The following RGS6 variants were observed in gnomAD, a reference collection of about 807,000 sequenced individuals.
RGS6 encodes regulator of G protein signaling 6.
In RGS6, 30 loss-of-function variants were observed where a neutral mutation model predicts 78.5. That is an observed-to-expected ratio of 0.38 (90% CI 0.29 to 0.52). RGS6 has a LOEUF of 0.52. Ranked by LOEUF, RGS6 falls within the 20% of genes least tolerant of loss-of-function variation. The pLI, the probability that RGS6 is intolerant of heterozygous loss-of-function variation, is 0.85. For missense variants in RGS6, 495 were observed against 609.7 expected, an observed-to-expected ratio of 0.81 and a Z score of 1.98; for synonymous variants, 206 against 206.0, an observed-to-expected ratio of 1.00 and a Z score of 0.00.
At chr14:71,870,065 G>A in the RGS6 span, among the ~76,000 whole-genome samples, 317 of 152,304 alleles carry the variant, frequency 2.1e-3, 1 homozygote, top group African/African-American at 7.3e-3. Flanking sequence ...GACTAAGACA[G>A]TAGTTTCCCA....
intron 2 of RGS6, among the ~76,000 whole-genome samples, chr14:72,137,914 G>C (rs2096471941): frequency 6.6e-6 from 1 of 152,058 alleles, no homozygotes; most frequent in African/African-American, 2.4e-5. Flanking sequence ...AGATGTTGAA[G>C]GTGGGACTGA....
At chr14:72,206,083 C>T (rs560406673) in intron 2 of RGS6, among the ~76,000 whole-genome samples, 130 of 152,084 alleles carry the variant, frequency 8.5e-4, no homozygotes, top group Non-Finnish European at 1.6e-3. Context: ...AGTAAGAAAA[C>T]GTTGGAAACA....
chr14:71,959,154 T>A (rs549843845), intron 1 of RGS6, among the ~76,000 whole-genome samples: 1 of 152,320 alleles, frequency 6.6e-6, no homozygotes, highest in South Asian at 2.1e-4. Flanking sequence ...CAAGTTGGCA[T>A]ACTCTGCTAT....
At chr14:72,062,929 C>T (rs2093963712) in intron 2 of RGS6, among the ~76,000 whole-genome samples, 1 of 152,144 alleles carries the variant, frequency 6.6e-6, no homozygotes, top group Non-Finnish European at 1.5e-5. Flanking sequence ...CAGGTTCAAG[C>T]ATTCGTGCCT....
At chr14:72,078,309 A>G (rs2094668837) in intron 2 of RGS6, among the ~76,000 whole-genome samples, 1 of 152,204 alleles carries the variant, frequency 6.6e-6, no homozygotes, top group Non-Finnish European at 1.5e-5. Flanking sequence ...CTCCAGAAGC[A>G]GAAGCCACCA....
chr14:72,104,107 A>G (rs547153329), intron 2 of RGS6, among the ~76,000 whole-genome samples: 3 of 152,222 alleles, frequency 2.0e-5, no homozygotes, highest in African/African-American at 7.2e-5. Context: ...TGGAGGAACA[A>G]CGGTGACTTT....
intron 2 of RGS6, among the ~76,000 whole-genome samples, chr14:72,337,329 T>C (rs1329051618): frequency 6.6e-6 from 1 of 151,606 alleles, no homozygotes; most frequent in East Asian, 1.9e-4. Context: ...TCCACATTAT[T>C]ATGGTCCGTG....
chr14:72,053,903 A>T lies in RGS6; in HGVS notation c.84+89028A>T, dbSNP rs544062110. On this transcript the variant is annotated intron_variant, in intron 2 of 17. Coordinates refer to ENST00000553525, the MANE Select transcript of RGS6 (RefSeq NM_001204424.2). ...ATTCAAATGCTTCCTGGAAGTCAAA[A>T]CATATTTTCAAAAGTTTCTAGTGGA... Among the ~76,000 whole-genome samples, 3 of 152,338 alleles carry T rather than the reference A, an allele frequency of 2.0e-5. No individual in the cohort carries two copies. The East Asian group carries it at 5.8e-4, about 29-fold the overall frequency.
intron 3 of RGS6, among the ~76,000 whole-genome samples, chr14:72,353,302 A>G (rs2079499841): frequency 6.6e-6 from 1 of 152,236 alleles, no homozygotes; most frequent in Non-Finnish European, 1.5e-5. Context: ...TTTATTCATC[A>G]TCTCCAAAGA....
chr14:72,379,828 A>G (rs1441211037), intron 3 of RGS6, among the ~76,000 whole-genome samples: 1 of 152,126 alleles, frequency 6.6e-6, no homozygotes, highest in East Asian at 1.9e-4. Flanking sequence ...ATAAAAATGT[A>G]CATGGAACCA....
chr14:72,408,358 A>G (rs2093123135), intron 3 of RGS6, among the ~76,000 whole-genome samples: 3 of 152,204 alleles, frequency 2.0e-5, no homozygotes, highest in Admixed American at 2.0e-4. Flanking sequence ...ATTGTTTAGT[A>G]TAATAATGTA....
intron 2 of RGS6, among the ~76,000 whole-genome samples, chr14:72,346,119 C>G (rs1472835891): frequency 6.6e-6 from 1 of 152,142 alleles, no homozygotes; most frequent in Non-Finnish European, 1.5e-5. Context: ...AGATGAAGTG[C>G]TTCAGTAAAA....
At chr14:71,968,216 T>G (rs565109111) in intron 2 of RGS6, among the ~76,000 whole-genome samples, 1 of 152,222 alleles carries the variant, frequency 6.6e-6, no homozygotes, top group Admixed American at 6.5e-5. Context: ...ATCACATCAT[T>G]TAGGGTGCTT....
chr14:72,179,569 A>C (rs1598935485), intron 2 of RGS6, among the ~76,000 whole-genome samples: 1 of 152,210 alleles, frequency 6.6e-6, no homozygotes, highest in Admixed American at 6.5e-5. Context: ...CTCCAATCTC[A>C]AAAGAAGCAG....
chr14:71,908,186 T>C, the RGS6 span: 2 of 152,248 alleles, frequency 1.3e-5, no homozygotes, highest in African/African-American at 4.8e-5. Flanking sequence ...TAGGCTCCCA[T>C]GGAAGTCTTC....
chr14:72,454,579 G>C lies in RGS6; in HGVS notation c.235+1G>C. 1 of 1,613,704 alleles carries C rather than the reference G, an allele frequency of 6.2e-7. No individual in the cohort carries two copies. Among genetic ancestry groups the C allele is most frequent in the South Asian group, 1.1e-5 (1 of 91,052 alleles). The stretch of plus-strand genomic sequence containing the variant: ...AAGAACCTTTCCATTGAGGACCCAG[G>C]TACTTGACCTTTGACCCCACCCTTA... On this transcript the variant is annotated splice_donor_variant, in intron 4 of 17. Coordinates refer to ENST00000553525, the MANE Select transcript of RGS6 (RefSeq NM_001204424.2). LOFTEE classifies it high-confidence loss of function.
chr14:72,427,532 A>G (rs1444546979), intron 3 of RGS6, among the ~76,000 whole-genome samples: 1 of 152,206 alleles, frequency 6.6e-6, no homozygotes, highest in Non-Finnish European at 1.5e-5. Flanking sequence ...ATTTCTGTGT[A>G]AGATAAGTGA....
chr14:72,416,770 A>C (rs2093842885), intron 3 of RGS6, among the ~76,000 whole-genome samples: 1 of 152,202 alleles, frequency 6.6e-6, no homozygotes, highest in Non-Finnish European at 1.5e-5. Flanking sequence ...TGTGGTTAAG[A>C]GTATGAGCAT....
At chr14:72,038,124 C>T (rs1174052537) in intron 2 of RGS6, among the ~76,000 whole-genome samples, 1 of 152,078 alleles carries the variant, frequency 6.6e-6, no homozygotes, top group African/African-American at 2.4e-5. Context: ...CACATGCCAC[C>T]ATGCCTGGCT....
Sources: gnomAD v4.1 joint callset for allele counts (sites outside exome capture counted in the v4.1 genomes callset) on GRCh38, gnomAD v4.1.1 for gene constraint, MANE v1.5 for transcripts, NCBI Gene and HGNC (gene_info 2026-07-23, HGNC 2026-07-21) for gene names.